The following EIF2B3 variants were observed in gnomAD, a reference collection of about 807,000 sequenced individuals.
The protein encoded by EIF2B3 is eukaryotic translation initiation factor 2B subunit gamma.
In EIF2B3, 20 loss-of-function variants were observed where a neutral mutation model predicts 54.1. The observed-to-expected ratio is 0.37, with a 90% CI of 0.26 to 0.54. The LOEUF is 0.54. Ranked by LOEUF, EIF2B3 falls within the 20% of genes least tolerant of loss-of-function variation. The pLI is 0.86. For synonymous variants in EIF2B3, 153 were observed against 188.1 expected (o/e 0.81, Z 1.52); for missense variants, 448 against 547.8 (o/e 0.82, Z 1.82).
chr1:44,887,408 A>G (rs907527669), intron 6 of EIF2B3, among the ~76,000 whole-genome samples: 1 of 152,258 alleles, frequency 6.6e-6, no homozygotes, highest in Admixed American at 6.5e-5. Flanking sequence ...GGAACCTGAG[A>G]GCAAAGCAAA....
At chr1:44,936,094 C>A (rs1334160538) in intron 4 of EIF2B3, among the ~76,000 whole-genome samples, 2 of 151,786 alleles carry the variant, frequency 1.3e-5, no homozygotes, top group South Asian at 4.2e-4. Context: ...ATAATGGTAT[C>A]TACTGATGAA....
At chr1:44,856,895 C>T (rs2148892783) in intron 11 of EIF2B3, among the ~76,000 whole-genome samples, 1 of 152,356 alleles carries the variant, frequency 6.6e-6, no homozygotes, top group Admixed American at 6.5e-5. Flanking sequence ...GCCTTGACCT[C>T]TCAGGCTCAA....
At chr1:44,910,162 T>C (rs57769237) in intron 5 of EIF2B3, among the ~76,000 whole-genome samples, 22,658 of 152,200 alleles carry the variant, frequency 0.15, 1,813 homozygotes, top group Non-Finnish European at 0.17. Context: ...CAAATATCTT[T>C]TACTTATGAA....
At chr1:44,939,221 C>G (rs987492808) in intron 4 of EIF2B3, among the ~76,000 whole-genome samples, 1 of 151,698 alleles carries the variant, frequency 6.6e-6, no homozygotes, top group Non-Finnish European at 1.5e-5. Flanking sequence ...CTGTTTTGGG[C>G]AAGAATTCAA....
intron 5 of EIF2B3, among the ~76,000 whole-genome samples, chr1:44,907,390 T>C (rs1643432254): frequency 6.6e-6 from 1 of 151,686 alleles, no homozygotes; most frequent in South Asian, 2.1e-4. Flanking sequence ...AAACCTCATT[T>C]CTACTAAAAA....
intron 3 of EIF2B3, among the ~76,000 whole-genome samples, chr1:44,942,403 ATATATATATATATATTTTTTTTTTTTTTT>A (rs1557696954): frequency 6.3e-5 from 1 of 15,990 alleles, no homozygotes; most frequent in East Asian, 3.7e-3. Flanking sequence ...ATATATATAT[ATATATATATATATATTTTTTTTTTTTTTT>A]TTTTTTTTTT....
intron 6 of EIF2B3, among the ~76,000 whole-genome samples, chr1:44,883,930 C>G (rs1408063006): frequency 2.6e-5 from 4 of 152,154 alleles, no homozygotes; most frequent in Admixed American, 6.5e-5. Context: ...TCTTGACTAC[C>G]TGGGCTCAAG....
At chr1:44,958,669 G>A (rs954359341) in intron 3 of EIF2B3, 1 of 1,596,650 alleles carries the variant, frequency 6.3e-7, no homozygotes, top group Admixed American at 1.7e-5. Context: ...CAGCATGGCA[G>A]TGGTGAGTTT....
chr1:44,898,157 T>C (rs1310978694), intron 5 of EIF2B3, among the ~76,000 whole-genome samples: 1 of 152,154 alleles, frequency 6.6e-6, no homozygotes, highest in African/African-American at 2.4e-5. Flanking sequence ...GTATGTATTC[T>C]CCATCTTCAC....
At chr1:44,937,883 C>CAAAAAAAAA (rs34363661) in intron 4 of EIF2B3, among the ~76,000 whole-genome samples, 2 of 33,558 alleles carry the variant, frequency 6.0e-5, no homozygotes, top group African/African-American at 2.1e-4. Context: ...GACTCCGTCT[C>CAAAAAAAAA]AAAAAAAAAA....
At chr1:44,968,824 G>C (rs1644371247) in intron 3 of EIF2B3, among the ~76,000 whole-genome samples, 1 of 151,846 alleles carries the variant, frequency 6.6e-6, no homozygotes, top group Non-Finnish European at 1.5e-5. Flanking sequence ...TTAAACCTGG[G>C]AGGCGGAGGT....
At chr1:44,904,841 C>A (rs1643384439) in intron 5 of EIF2B3, among the ~76,000 whole-genome samples, 1 of 152,144 alleles carries the variant, frequency 6.6e-6, no homozygotes. Flanking sequence ...CATATTCCAA[C>A]AAAGAAGCAT....
intron 5 of EIF2B3, among the ~76,000 whole-genome samples, chr1:44,918,160 T>C (rs1040008838): frequency 2.7e-5 from 4 of 147,228 alleles, no homozygotes; most frequent in Non-Finnish European, 5.9e-5. Context: ...TTGGCTCCAC[T>C]GTAATCTCTG....
chr1:44,899,248 A>G (rs1656082482), intron 5 of EIF2B3, among the ~76,000 whole-genome samples: 2 of 152,370 alleles, frequency 1.3e-5, no homozygotes, highest in South Asian at 4.1e-4. Context: ...GTACAGAGCT[A>G]TAAAACTATC....
chr1:44,923,940 CTT>C (rs570038780), intron 5 of EIF2B3, among the ~76,000 whole-genome samples: 35 of 131,662 alleles, frequency 2.7e-4, no homozygotes, highest in Non-Finnish European at 3.1e-4. Context: ...AATTTCTTTC[CTT>C]TTTTTTTTTT....
At position 44,916,633 on chromosome 1, in the gene EIF2B3, C is replaced by A. The variant is rs568563976; in HGVS notation, c.566+9995G>T. On this transcript the variant is annotated intron_variant, in intron 5 of 11. Coordinates refer to ENST00000360403, the MANE Select transcript of EIF2B3 (RefSeq NM_020365.5). ...CCCAGGGGTTTGAGACCAGCCTGGGCAATATAATGAGACTTCCTCGCAACA... is the reference window on the plus strand; with the variant it reads ...CCCAGGGGTTTGAGACCAGCCTGGGAAATATAATGAGACTTCCTCGCAACA... 2.0e-5 allele frequency among the ~76,000 whole-genome samples: 3 copies of A among 149,888 alleles called. No homozygotes were observed. The East Asian group carries it at 6.0e-4, about 30-fold the overall frequency.
intron 11 of EIF2B3, among the ~76,000 whole-genome samples, chr1:44,851,693 G>A (rs1654275763): frequency 6.6e-6 from 1 of 152,098 alleles, no homozygotes; most frequent in African/African-American, 2.4e-5. Context: ...GGGGATAAGG[G>A]TAAGAAATGA....
chr1:44,946,379 C>T, intron 3 of EIF2B3, among the ~76,000 whole-genome samples: 1 of 151,802 alleles, frequency 6.6e-6, no homozygotes, highest in Non-Finnish European at 1.5e-5. Flanking sequence ...GATCAATTTC[C>T]AAAGCTGGAA....
chr1:44,977,818 A>G (rs1189354117), intron 3 of EIF2B3, among the ~76,000 whole-genome samples: 1 of 152,214 alleles, frequency 6.6e-6, no homozygotes, highest in Non-Finnish European at 1.5e-5. Flanking sequence ...AAAACATTGG[A>G]AACCAGTGAC....
Sources: gnomAD v4.1 joint callset for allele counts (sites outside exome capture counted in the v4.1 genomes callset) on GRCh38, gnomAD v4.1.1 for gene constraint, MANE v1.5 for transcripts, NCBI Gene and HGNC (gene_info 2026-07-23, HGNC 2026-07-21) for gene names.